Variants in RHBDL2 observed in about 807,000 individuals in gnomAD.
RHBDL2 encodes the protein rhomboid-related protein 2.
Under a neutral mutation model 31.7 loss-of-function variants are expected in RHBDL2, and 26 were observed. The observed-to-expected ratio is 0.82, with a 90% CI of 0.60 to 1.14. RHBDL2 has a LOEUF of 1.14. RHBDL2 is among the 50% of genes most tolerant of loss of function. The probability of loss-of-function intolerance (pLI) is 0.00; values close to 1 mark genes in which losing one functional copy is unlikely to be tolerated. For synonymous variants in RHBDL2, 123 were observed against 127.2 expected, an observed-to-expected ratio of 0.97 and a Z score of 0.22; for missense variants, 336 against 364.4, an observed-to-expected ratio of 0.92 and a Z score of 0.63.
At chr1:38,916,219 T>G (rs1008248516) in intron 2 of RHBDL2, among the ~76,000 whole-genome samples, 1 of 152,208 alleles carries the variant, frequency 6.6e-6, no homozygotes, top group Non-Finnish European at 1.5e-5. Context: ...CTCAACCTTC[T>G]GAGGCTATGT....
At chr1:38,919,407 G>A in intron 1 of RHBDL2, 70 bp from the exon 2 acceptor site, 8 of 1,412,472 alleles carry the variant, frequency 5.7e-6, no homozygotes, top group Non-Finnish European at 7.4e-6. Flanking sequence ...CCAAAATAAA[G>A]TTTTCTATGT....
intron 6 of RHBDL2, among the ~76,000 whole-genome samples, chr1:38,891,260 C>CAAAAAAAAA (rs11445131): frequency 2.5e-5 from 2 of 79,284 alleles, no homozygotes; most frequent in Non-Finnish European, 4.6e-5. Flanking sequence ...GACTCCGTCT[C>CAAAAAAAAA]AAAAAAAAAA....
Position 38,886,572 on chromosome 1 carries a change from T to C in RHBDL2, c.844A>G (p.Ile282Val). ...LLKDPRFWIA[I>V]AAYLACVLFA... ...AAGACACAAGCTAAATATGCAGCAA[T>C]TGCTATCCAAAACCTTGGATCTTTC... Residue 282 changes from isoleucine (I) to valine (V), a missense_variant, in exon 8 of 8, where the codon ATT (isoleucine) becomes GTT (valine). Ile to Val is a conservative substitution (Grantham distance 29). Transcript: ENST00000372990. 6.2e-7 allele frequency: 1 copy of C among 1,606,746 alleles called. No homozygotes were observed. The highest frequency in any genetic ancestry group is 2.2e-5 in the East Asian group (1 of 44,646).
At chr1:38,929,352 G>C in intron 1 of RHBDL2, 1 of 1,261,446 alleles carries the variant, frequency 7.9e-7, no homozygotes, top group South Asian at 1.2e-5. Flanking sequence ...GACGGGAAAA[G>C]GATTTGCCTC....
chr1:38,934,571 G>A lies in RHBDL2; in HGVS notation c.-126+7111C>T, dbSNP rs145866849. On this transcript the variant is annotated intron_variant, in intron 1 of 7. Coordinates refer to ENST00000372990, the MANE Select transcript of RHBDL2 (RefSeq NM_017821.5). ...ACTCGGAGGTGGAGGTAGGAGAATC[G>A]CTTGAACCCGGGAGGTGGAGGTTGC... Among the ~76,000 whole-genome samples, 263 of 146,668 alleles carry A rather than the reference G, an allele frequency of 1.8e-3. 9 individuals are homozygous for A. In the East Asian group the frequency reaches 0.045, roughly 25 times the overall value.
chr1:38,902,842 A>G lies in RHBDL2; in HGVS notation c.509-6773T>C, dbSNP rs553599067. 3.9e-5 allele frequency among the ~76,000 whole-genome samples: 6 copies of G among 152,278 alleles called. No individual in the cohort carries two copies. The South Asian group carries it at 1.0e-3, about 26-fold the overall frequency. On this transcript the variant is annotated intron_variant, in intron 4 of 7. Transcript: ENST00000372990. ...GCTGGGATTACAGGCGTGAGCCACC[A>G]CGCCCAGCCCCTAACCACAGTTAAA... is the stretch of plus-strand genomic sequence containing the variant.
At chr1:38,888,149 GCTTTT>G (rs1432144842) in intron 6 of RHBDL2, 125 bp from the exon 7 acceptor site, 1 of 605,470 alleles carries the variant, frequency 1.7e-6, no homozygotes, top group African/African-American at 1.9e-5. Context: ...TGTGACAGGT[GCTTTT>G]CTAAGAGATC....
chr1:38,912,402 G>T (rs151191901), intron 3 of RHBDL2, among the ~76,000 whole-genome samples: 60 of 149,290 alleles, frequency 4.0e-4, no homozygotes, highest in African/African-American at 1.4e-3. Context: ...ACCGCGCCTG[G>T]CCCGTTTTTT....
At chr1:38,890,050 T>C (rs1642835141) in intron 6 of RHBDL2, among the ~76,000 whole-genome samples, 1 of 151,964 alleles carries the variant, frequency 6.6e-6, no homozygotes, top group Admixed American at 6.6e-5. Context: ...TTTTTTTTTT[T>C]TTTTCAAGAC....
At chr1:38,891,892 A>T (rs1642859916) in intron 6 of RHBDL2, among the ~76,000 whole-genome samples, 2 of 152,190 alleles carry the variant, frequency 1.3e-5, no homozygotes, top group African/African-American at 4.8e-5. Context: ...GTCTGACCCC[A>T]GGGTCTGTCA....
intron 4 of RHBDL2, among the ~76,000 whole-genome samples, chr1:38,896,438 T>C (rs1045833612): frequency 6.6e-6 from 1 of 152,204 alleles, no homozygotes; most frequent in Non-Finnish European, 1.5e-5. Context: ...AATAATGAGT[T>C]GATGTGTGTT....
At chr1:38,929,347 G>A (rs1643414567) in intron 1 of RHBDL2, 14 of 1,252,432 alleles carry the variant, frequency 1.1e-5, no homozygotes, top group Non-Finnish European at 1.5e-5. Context: ...TCCAGGACGG[G>A]AAAAGGATTT....
intron 1 of RHBDL2, among the ~76,000 whole-genome samples, chr1:38,940,400 C>A (rs1643548791): frequency 6.6e-6 from 1 of 151,858 alleles, no homozygotes; most frequent in Non-Finnish European, 1.5e-5. Context: ...AAAGACAAGG[C>A]CTCACTTTAT....
chr1:38,886,947 A>G (rs1326801405), intron 7 of RHBDL2, among the ~76,000 whole-genome samples: 1 of 152,244 alleles, frequency 6.6e-6, no homozygotes, highest in East Asian at 1.9e-4. Flanking sequence ...CTCATTCTTA[A>G]TCATCATTGC....
At chr1:38,899,508 G>A (rs1277768375) in intron 4 of RHBDL2, among the ~76,000 whole-genome samples, 1 of 152,196 alleles carries the variant, frequency 6.6e-6, no homozygotes, top group Admixed American at 6.5e-5. Flanking sequence ...CAGGCATGTG[G>A]GGCATGGGGA....
Position 38,919,109 on chromosome 1 carries a change from C to T in RHBDL2, c.104G>A (p.Gly35Glu), listed in dbSNP as rs375894022. 21 of 1,613,986 alleles carry T rather than the reference C, an allele frequency of 1.3e-5. No individual in the cohort carries two copies. The highest frequency in any genetic ancestry group is 1.8e-5 in the Non-Finnish European group (21 of 1,180,042). ...TTTACTCTTGGCCCGATCTTTACCT[C>T]CCCCATCCTCTCTCATTTTCTCCTC... ...EEEEKMREDG[G>E]GKDRAKSKKV... The change falls in exon 2 of 8, where the codon GGA (glycine) becomes GAA (glutamate). Residue 35 changes from glycine to glutamate, a missense_variant. Transcript: ENST00000372990.
intron 1 of RHBDL2, among the ~76,000 whole-genome samples, chr1:38,935,598 G>C (rs968628438): frequency 2.6e-5 from 4 of 152,068 alleles, no homozygotes; most frequent in Non-Finnish European, 4.4e-5. Context: ...CACATAATTA[G>C]CATTGAGCAA....
In RHBDL2 at chr1:38,895,099, A is replaced by G. The variant is rs557270026; in HGVS notation, c.609+870T>C. ...AGATTCATTAAATAAATCATGGTGC[A>G]TCTATATAGAGGATGCTAGGGAGCA... On this transcript the variant is annotated intron_variant, in intron 5 of 7. Coordinates refer to ENST00000372990, the MANE Select transcript of RHBDL2 (RefSeq NM_017821.5). Among the ~76,000 whole-genome samples, 3 of 152,300 alleles carry G rather than the reference A, an allele frequency of 2.0e-5. No homozygotes were observed. The East Asian group carries it at 5.8e-4, about 29-fold the overall frequency.
intron 6 of RHBDL2, among the ~76,000 whole-genome samples, chr1:38,889,528 T>C (rs1488131219): frequency 6.6e-6 from 1 of 152,160 alleles, no homozygotes; most frequent in East Asian, 1.9e-4. Context: ...TGGCATTTTA[T>C]ACATAAAGAA....
Sources: allele counts gnomAD v4.1 joint callset (sites outside exome capture counted in the v4.1 genomes callset), GRCh38; gene constraint gnomAD v4.1.1; transcripts MANE v1.5; gene names NCBI Gene and HGNC (gene_info 2026-07-23, HGNC 2026-07-21).